TIMP2: variants seen among roughly 807,000 people sequenced by gnomAD.
TIMP2 encodes TIMP metallopeptidase inhibitor 2.
TIMP2 carries 5 observed loss-of-function variants against 24.3 expected under a neutral mutation model. That is an observed-to-expected ratio of 0.21 (90% CI 0.11 to 0.43). The LOEUF is 0.43. TIMP2 is among the 20% of genes least tolerant of loss of function. TIMP2 has a pLI of 1.00. For synonymous variants in TIMP2, 130 were observed against 123.2 expected (o/e 1.06, Z -0.37); for missense variants, 221 against 297.5 (o/e 0.74, Z 1.89).
intron 1 of TIMP2, among the ~76,000 whole-genome samples, chr17:78,913,162 T>G (rs1407189683): frequency 2.0e-5 from 3 of 152,210 alleles, no homozygotes; most frequent in Admixed American, 1.3e-4. Context: ...AACAACATTT[T>G]GGGAGGCCGA....
chr17:78,855,542 T>G lies in TIMP2; in HGVS notation c.*125A>C. 2 of 1,112,564 alleles carry G rather than the reference T, an allele frequency of 1.8e-6. No homozygotes were observed. Among genetic ancestry groups the G allele is most frequent in the Non-Finnish European group, 2.5e-6 (2 of 788,490 alleles). 68.9% of individuals were successfully genotyped at this position (1,112,564 alleles called of 1,614,324 possible). A position where few individuals can be genotyped will look rare whatever the true frequency, so the allele number is the denominator to read the frequency against. Reference sequence around the variant, plus strand: ...AGGAGAAGGGGGGAGCAGAATCATATTAATTTGGACCCATGGGATGAGTGT... The same window carrying G: ...AGGAGAAGGGGGGAGCAGAATCATAGTAATTTGGACCCATGGGATGAGTGT... On this transcript the variant is annotated 3_prime_UTR_variant, in exon 5 of 5. Coordinates refer to ENST00000262768, the MANE Select transcript of TIMP2 (RefSeq NM_003255.5). This position sits in a 1 kb window ranked among gnomAD's most constrained non-coding sequence, Gnocchi z 6.0.
chr17:78,897,112 C>T (rs1409115081), intron 1 of TIMP2: 7 of 509,142 alleles, frequency 1.4e-5, no homozygotes, highest in South Asian at 1.7e-4. Context: ...CGCCCCCCGC[C>T]GGCCTCCTCA....
rs1314320599 is a variant in TIMP2 at position 78,857,559 on chromosome 17, CTCT to C, written c.425_427del (p.Lys142del). 1.2e-6 allele frequency: 2 copies of C among 1,614,194 alleles called. No individual in the cohort carries two copies. The highest frequency in any genetic ancestry group is 1.7e-5 in the Admixed American group (1 of 60,012). On this transcript the variant is annotated inframe_deletion, in exon 4 of 5. Coordinates refer to ENST00000262768, the MANE Select transcript of TIMP2 (RefSeq NM_003255.5). ...GCCCATCTGGTACCTGTGGTTCAGG[CTCT>C]TCTTCTGGGTGGTGCTCAGGGTGTC...
rs1030118218 is a variant in TIMP2, at chr17:78,859,315, G to A, written c.341-1669C>T. 2.6e-4 allele frequency among the ~76,000 whole-genome samples: 39 copies of A among 152,170 alleles called. 1 individual carries two copies. Among genetic ancestry groups the A allele is most frequent in the Admixed American group, 2.5e-3 (38 of 15,252 alleles). ...AGCAGGAGGAAAAGAACAAAGCAGTGTGTTCCAGTGGCTGACAGAACCTAA... is the reference window on the plus strand; with the variant it reads ...AGCAGGAGGAAAAGAACAAAGCAGTATGTTCCAGTGGCTGACAGAACCTAA... On this transcript the variant is annotated intron_variant, in intron 3 of 4. Coordinates refer to ENST00000262768, the MANE Select transcript of TIMP2 (RefSeq NM_003255.5).
At chr17:78,913,171 G>A (rs528689251) in intron 1 of TIMP2, among the ~76,000 whole-genome samples, 40 of 152,328 alleles carry the variant, frequency 2.6e-4, no homozygotes, top group African/African-American at 8.9e-4. Flanking sequence ...TTGGGAGGCC[G>A]ACTGCCGGCT....
At chr17:78,918,065 A>ACACACACACACGC (rs1555652947) in intron 1 of TIMP2, among the ~76,000 whole-genome samples, 68 of 144,934 alleles carry the variant, frequency 4.7e-4, no homozygotes, top group African/African-American at 1.7e-3. Flanking sequence ...TGCACACACA[A>ACACACACACACGC]ACACACACAC....
At position 78,881,148 on chromosome 17, in the gene TIMP2, G is replaced by A. The variant is rs1039485232; in HGVS notation, c.131-7229C>T. 2.0e-5 allele frequency among the ~76,000 whole-genome samples: 3 copies of A among 152,196 alleles called. No individual in the cohort carries two copies. In the South Asian group the frequency reaches 6.2e-4, roughly 31 times the overall value. Reference sequence around the variant, plus strand: ...CTGCACCTTGTGTGCACACTGACTCGGACTGGGAGGGTTTGCTCAGTATCA... The same window carrying A: ...CTGCACCTTGTGTGCACACTGACTCAGACTGGGAGGGTTTGCTCAGTATCA... On this transcript the variant is annotated intron_variant, in intron 1 of 4. Coordinates refer to ENST00000262768, the MANE Select transcript of TIMP2 (RefSeq NM_003255.5).
intron 3 of TIMP2, among the ~76,000 whole-genome samples, chr17:78,867,169 G>A (rs1282667302): frequency 2.0e-5 from 3 of 152,294 alleles, no homozygotes; most frequent in South Asian, 2.1e-4. Context: ...GCTGAGGCAC[G>A]AGAATTGCCC....
chr17:78,863,877 C>G (rs1346039097), intron 3 of TIMP2, among the ~76,000 whole-genome samples: 1 of 152,174 alleles, frequency 6.6e-6, no homozygotes, highest in South Asian at 2.1e-4. Flanking sequence ...CTCTCAACAA[C>G]CCCTCGTGGG....
intron 1 of TIMP2, among the ~76,000 whole-genome samples, chr17:78,878,339 TG>T (rs1189439859): frequency 1.3e-5 from 2 of 152,192 alleles, no homozygotes; most frequent in Non-Finnish European, 1.5e-5. Context: ...ACAACAGTCT[TG>T]ACACTTCACA....
In TIMP2 at chr17:78,893,569, G is replaced by A. The variant is rs150569931; in HGVS notation, c.131-19650C>T. ...CATGCCTGCACATCTGTGTGTACAG[G>A]GGGGTGTACAGGTGTGTGTATGTAT... On this transcript the variant is annotated intron_variant, in intron 1 of 4. Coordinates refer to ENST00000262768, the MANE Select transcript of TIMP2 (RefSeq NM_003255.5). Among the ~76,000 whole-genome samples the A allele has an allele frequency of 3.1e-4, 47 of 152,052 alleles. 1 individual carries two copies. Among genetic ancestry groups the A allele is most frequent in the African/African-American group, 1.1e-3 (46 of 41,438 alleles).
chr17:78,867,842 G>C (rs565455903), intron 3 of TIMP2, among the ~76,000 whole-genome samples: 1 of 151,836 alleles, frequency 6.6e-6, no homozygotes, highest in African/African-American at 2.4e-5. Context: ...CTCATGATCT[G>C]CCCGTCTCGG....
Position 78,906,067 on chromosome 17 carries a change from C to T in TIMP2, c.130+18892G>A, listed in dbSNP as rs144356250. Among the ~76,000 whole-genome samples the T allele has an allele frequency of 1.4e-3, 211 of 152,308 alleles. 1 individual carries two copies. The South Asian group carries it at 0.014, about 10-fold the overall frequency. On this transcript the variant is annotated intron_variant, in intron 1 of 4. Coordinates refer to ENST00000262768, the MANE Select transcript of TIMP2 (RefSeq NM_003255.5). ...ACATTATGTCTTATCAATGCACATA[C>T]CTTAATTTACAAATACTTTATTGGC...
At chr17:78,902,452 G>T (rs190588876) in intron 1 of TIMP2, among the ~76,000 whole-genome samples, 68 of 152,336 alleles carry the variant, frequency 4.5e-4, no homozygotes, top group African/African-American at 1.6e-3. Context: ...CCTGGGGCAG[G>T]GGTGGGTCAC....
intron 1 of TIMP2, among the ~76,000 whole-genome samples, chr17:78,922,671 T>C (rs2070316570): frequency 2.0e-5 from 3 of 152,084 alleles, no homozygotes; most frequent in Non-Finnish European, 4.4e-5. Context: ...TACAAAAAAT[T>C]AGCCGGGTGT....
At chr17:78,872,176 A>G (rs1381373535) in intron 2 of TIMP2, among the ~76,000 whole-genome samples, 2 of 150,526 alleles carry the variant, frequency 1.3e-5, no homozygotes, top group East Asian at 3.9e-4. Context: ...TAATTAGCAG[A>G]GACGAGGTCT....
intron 4 of TIMP2, 166 bp from the exon 5 acceptor site, chr17:78,856,030 T>C (rs772812636): frequency 1.3e-5 from 9 of 683,496 alleles, no homozygotes; most frequent in Non-Finnish European, 2.3e-5. Flanking sequence ...GCAGCTGGCC[T>C]GCGAGGGGGT....
chr17:78,902,956 A>G (rs1470342868), intron 1 of TIMP2, among the ~76,000 whole-genome samples: 1 of 152,208 alleles, frequency 6.6e-6, no homozygotes, highest in Non-Finnish European at 1.5e-5. Context: ...CCCGTGGTGC[A>G]GGGACTTTGC....
chr17:78,893,158 G>C (rs954664755), intron 1 of TIMP2, among the ~76,000 whole-genome samples: 12 of 142,348 alleles, frequency 8.4e-5, no homozygotes, highest in Non-Finnish European at 1.7e-4. Flanking sequence ...TGTGTGTGCA[G>C]GGGTGTGTGT....
Sources: gnomAD v4.1 joint callset for allele counts (sites outside exome capture counted in the v4.1 genomes callset) on GRCh38, gnomAD v4.1.1 for gene constraint, Gnocchi (gnomAD v3.1) non-coding constraint, MANE v1.5 for transcripts, NCBI Gene and HGNC (gene_info 2026-07-23, HGNC 2026-07-21) for gene names.